ATP2A1: variants seen among roughly 807,000 people sequenced by gnomAD.
ATP2A1 encodes ATPase sarcoplasmic/endoplasmic reticulum Ca2+ transporting 1.
In ATP2A1, 83 loss-of-function variants were observed where a neutral mutation model predicts 109.5. That is an observed-to-expected ratio of 0.76 (90% CI 0.63 to 0.91). The LOEUF is 0.91. ATP2A1 is among the 40% of genes least tolerant of loss of function. ATP2A1 has a pLI of 0.00. For missense variants in ATP2A1, 1,101 were observed against 1,341.0 expected (o/e 0.82, Z 2.80); for synonymous variants, 505 against 537.6 (o/e 0.94, Z 0.84).
Position 28,887,663 on chromosome 16 carries a change from G to A in ATP2A1, c.869G>A (p.Arg290His), listed in dbSNP as rs368208565. The A allele has an allele frequency of 6.9e-5, 111 of 1,614,158 alleles. 1 individual carries two copies. The South Asian group carries it at 8.6e-4, about 12-fold the overall frequency. The change falls in exon 8 of 23, where the codon CGC (arginine) becomes CAC (histidine). Residue 290 changes from arginine (R) to histidine (H), a missense_variant. By Grantham distance (29) the Arg-to-His change is conservative. Transcript: ENST00000395503. Reference sequence around the variant, plus strand: ...CCCGTCCATGGGGGCTCCTGGTTCCGCGGGGCCATCTACTACTTTAAGATT... The same window carrying A: ...CCCGTCCATGGGGGCTCCTGGTTCCACGGGGCCATCTACTACTTTAAGATT... ...NDPVHGGSWF[R>H]GAIYYFKIAV...
At chr16:28,879,192 C>G (rs1188590099) in intron 2 of ATP2A1, 76 bp downstream of exon 2, 10 of 1,536,740 alleles carry the variant, frequency 6.5e-6, no homozygotes, top group Admixed American at 3.3e-5. Context: ...TCCTCCCTGC[C>G]TCTTTAGATT....
rs541401107 is a variant in ATP2A1, at chr16:28,900,794, G to A, written c.1978G>A (p.Asp660Asn). The A allele has an allele frequency of 6.0e-5, 97 of 1,614,212 alleles. 1 individual carries two copies. In the South Asian group the frequency reaches 1.0e-3, roughly 17 times the overall value. Residue 660 changes from aspartate to asparagine, a missense_variant, in exon 15 of 23, where the codon GAC becomes AAC. Asp to Asn is a conservative substitution (Grantham distance 23). Transcript: ENST00000395503. ...DRAYTGREFDDLPLAEQREAC... is the reference protein window; with the variant it reads ...DRAYTGREFDNLPLAEQREAC... ...CGCCTACACGGGCCGAGAGTTCGAC[G>A]ACCTGCCCCTGGCTGAACAGCGGGA... is the stretch of plus-strand genomic sequence containing the variant.
At chr16:28,901,213 G>A (rs1198287875) in intron 15 of ATP2A1, among the ~76,000 whole-genome samples, 2 of 151,542 alleles carry the variant, frequency 1.3e-5, no homozygotes, top group African/African-American at 4.9e-5. Flanking sequence ...GCACATATTT[G>A]TGGTCCTAGC....
At chr16:28,885,735 C>T (rs1343682353) in intron 6 of ATP2A1, among the ~76,000 whole-genome samples, 1 of 152,028 alleles carries the variant, frequency 6.6e-6, no homozygotes, top group African/African-American at 2.4e-5. Flanking sequence ...AGATAGCCAC[C>T]AGCCCACCCC....
chr16:28,878,702 G>A lies in ATP2A1; in HGVS notation c.31G>A (p.Glu11Lys), dbSNP rs1186077135. 4 of 1,610,338 alleles carry A rather than the reference G, an allele frequency of 2.5e-6. No homozygotes were observed. Among genetic ancestry groups the A allele is most frequent in the South Asian group, 2.2e-5 (2 of 90,428 alleles). ...GGCCGCTCATGCTAAAACCACGGAGGAATGTTTGGCCTATTTTGGGGTGAG... is the reference window on the plus strand; with the variant it reads ...GGCCGCTCATGCTAAAACCACGGAGAAATGTTTGGCCTATTTTGGGGTGAG... Reference protein sequence around the residue: MEAAHAKTTEECLAYFGVSET... With the variant: MEAAHAKTTEKCLAYFGVSET... The change falls in exon 1 of 23, where the codon GAA (glutamate) becomes AAA (lysine). Residue 11 changes from glutamate to lysine, a missense_variant. Transcript: ENST00000395503.
chr16:28,899,101 C>A (rs1963994598), intron 14 of ATP2A1, among the ~76,000 whole-genome samples: 1 of 152,212 alleles, frequency 6.6e-6, no homozygotes, highest in Non-Finnish European at 1.5e-5. Flanking sequence ...TGAACCAGAA[C>A]AGGAGCCAAT....
chr16:28,896,498 C>T (rs533412266), intron 12 of ATP2A1, among the ~76,000 whole-genome samples: 3 of 152,218 alleles, frequency 2.0e-5, no homozygotes, highest in Middle Eastern at 3.4e-3. Context: ...CTGCAACCTC[C>T]GCCTCCTGGG....
intron 12 of ATP2A1, among the ~76,000 whole-genome samples, chr16:28,895,686 A>C (rs1963901840): frequency 6.6e-6 from 1 of 151,800 alleles, no homozygotes; most frequent in Non-Finnish European, 1.5e-5. Flanking sequence ...AAACAAAAAC[A>C]AAGAAAGAAA....
chr16:28,882,359 T>G, intron 4 of ATP2A1, 92 bp from the exon 5 acceptor site: 1 of 1,574,564 alleles, frequency 6.4e-7, no homozygotes, highest in Non-Finnish European at 8.7e-7. Flanking sequence ...CCTGCCTGTG[T>G]GGGGTTTTGT....
chr16:28,894,356 G>A (rs958429161), intron 10 of ATP2A1, 113 bp downstream of exon 10: 63 of 1,306,174 alleles, frequency 4.8e-5, no homozygotes, highest in Non-Finnish European at 6.0e-5. Context: ...CTTCCTCCCC[G>A]ACCTTGTTCT....
chr16:28,889,078 A>G, intron 9 of ATP2A1, 125 bp downstream of exon 9: 6 of 1,375,486 alleles, frequency 4.4e-6, no homozygotes, highest in Non-Finnish European at 6.1e-6. Context: ...AAAATGCTCA[A>G]AGGGCAGTAG....
At chr16:28,881,954 T>C (rs1477045652) in intron 4 of ATP2A1, among the ~76,000 whole-genome samples, 5 of 152,012 alleles carry the variant, frequency 3.3e-5, no homozygotes, top group Non-Finnish European at 7.4e-5. Context: ...ATTTTTCTTT[T>C]TGAGACAGGG....
At position 28,903,145 on chromosome 16, in the gene ATP2A1, C is replaced by T; in HGVS notation, c.2860C>T (p.Pro954Ser). ...CCTCATCCTCTATGTTGACCCCCTG[C>T]CGGTGAGGTTTCTTCCGCCCAGGGC... ...HFLILYVDPL[P>S]MIFKLRALDL... The change falls in exon 20 of 23, where the codon CCG (proline) becomes TCG (serine). Residue 954 changes from proline (P) to serine (S), a missense_variant and splice_region_variant. Pro to Ser is a moderately conservative substitution (Grantham distance 74). Coordinates refer to ENST00000395503, the MANE Select transcript of ATP2A1 (RefSeq NM_004320.6). The surrounding 1 kb of genome is among the most constrained non-coding windows in gnomAD (Gnocchi z 5.6). 6.2e-7 allele frequency: 1 copy of T among 1,613,398 alleles called. No homozygotes were observed. Among genetic ancestry groups the T allele is most frequent in the Non-Finnish European group, 8.5e-7 (1 of 1,179,806 alleles).
Position 28,880,400 on chromosome 16 carries a change from C to T in ATP2A1, c.220-515C>T, listed in dbSNP as rs570186107. On this transcript the variant is annotated intron_variant, in intron 3 of 22. Transcript: ENST00000395503. This position sits in a 1 kb window ranked among gnomAD's most constrained non-coding sequence, Gnocchi z 4.2. ...CTCCCTTCTCAGATTTGCTCCTTGA[C>T]ATTTGCCTGCTGCCTGGCGGTGGCA... Among the ~76,000 whole-genome samples, 1 of 152,374 alleles carries T rather than the reference C, an allele frequency of 6.6e-6. No homozygotes were observed. Among genetic ancestry groups the T allele is most frequent in the Non-Finnish European group, 1.5e-5 (1 of 68,040 alleles).
Position 28,901,865 on chromosome 16 carries a change from A to T in ATP2A1, c.2103A>T (p.Thr701=), listed in dbSNP as rs762502863. 1 of 1,613,742 alleles carries T rather than the reference A, an allele frequency of 6.2e-7. No homozygotes were observed. The highest frequency in any genetic ancestry group is 8.5e-7 in the Non-Finnish European group (1 of 1,179,840). The part of the protein sequence containing the change: ...LQSYDEITAM[T]GDGVNDAPAL... The stretch of plus-strand genomic sequence containing the variant: ...CCCACCTTCTCCTCCTCCCTCAGAC[A>T]GGTGATGGCGTCAATGACGCCCCTG... Residue 701 remains threonine, a splice_region_variant and synonymous_variant, in exon 16 of 23, where the codon ACA becomes ACT. Transcript: ENST00000395503.
chr16:28,878,953 G>C (rs1596658675), intron 1 of ATP2A1, 146 bp from the exon 2 acceptor site: 2 of 1,355,354 alleles, frequency 1.5e-6, no homozygotes, highest in East Asian at 2.3e-5. Context: ...ACAGAGTCCC[G>C]AGATCCAGAG....
Position 28,887,710 on chromosome 16 carries a change from G to T in ATP2A1, c.916G>T (p.Ala306Ser). Reference protein sequence around the residue: ...FKIAVALAVAAIPEGLPAVIT... With the variant: ...FKIAVALAVASIPEGLPAVIT... ...GATTGCCGTGGCCTTGGCTGTGGCT[G>T]CCATCCCCGAAGGTATGAAAGCCTT... Residue 306 changes from alanine to serine, a missense_variant, in exon 8 of 23, where the codon GCC becomes TCC. By Grantham distance (99) the Ala-to-Ser change is moderately conservative. Transcript: ENST00000395503. 6.2e-7 allele frequency: 1 copy of T among 1,613,978 alleles called. No homozygotes were observed. The highest frequency in any genetic ancestry group is 1.3e-5 in the African/African-American group (1 of 75,060).
rs1010245548 is a variant in ATP2A1 at position 28,880,229 on chromosome 16, C to A, written c.219+646C>A. The A allele has an allele frequency of 1.4e-6, 1 of 714,824 alleles. No individual in the cohort carries two copies. Among genetic ancestry groups the A allele is most frequent in the Non-Finnish European group, 1.7e-6 (1 of 578,800 alleles). The allele number at this position is 714,824 out of a possible 1,614,324, so 44.3% of individuals were successfully genotyped here. A position where few individuals can be genotyped will look rare whatever the true frequency, so the allele number is the denominator to read the frequency against. On this transcript the variant is annotated intron_variant, in intron 3 of 22. Coordinates refer to ENST00000395503, the MANE Select transcript of ATP2A1 (RefSeq NM_004320.6). The surrounding 1 kb of genome is among the most constrained non-coding windows in gnomAD (Gnocchi z 4.2). Reference sequence around the variant, plus strand: ...CTCTCCCGCCCTGGGGGCTACTCCCCATCCCGCGGTCCATCTGCATGTCGC... The same window carrying A: ...CTCTCCCGCCCTGGGGGCTACTCCCAATCCCGCGGTCCATCTGCATGTCGC...
At position 28,880,780 on chromosome 16, in the gene ATP2A1, G is replaced by A. The variant is rs901129653; in HGVS notation, c.220-135G>A. 5.9e-5 allele frequency: 49 copies of A among 824,208 alleles called. 1 individual carries two copies. Among genetic ancestry groups the A allele is most frequent in the Non-Finnish European group, 1.0e-4 (48 of 482,214 alleles). 51.1% of individuals were successfully genotyped at this position (824,208 alleles called of 1,614,324 possible). On this transcript the variant is annotated intron_variant, in intron 3 of 22. Coordinates refer to ENST00000395503, the MANE Select transcript of ATP2A1 (RefSeq NM_004320.6). The surrounding 1 kb of genome is among the most constrained non-coding windows in gnomAD (Gnocchi z 4.2). ...CCTCAGACGGATGTGGGGCCACAGCGCCCCGACGGTGCCCGGCCCTCCTGC... is the reference window on the plus strand; with the variant it reads ...CCTCAGACGGATGTGGGGCCACAGCACCCCGACGGTGCCCGGCCCTCCTGC...
Sources: allele counts gnomAD v4.1 joint callset (sites outside exome capture counted in the v4.1 genomes callset), GRCh38; gene constraint gnomAD v4.1.1; non-coding constraint Gnocchi (gnomAD v3.1); transcripts MANE v1.5; gene names NCBI Gene and HGNC (gene_info 2026-07-23, HGNC 2026-07-21).